The following MBD5 variants were observed in gnomAD, a reference collection of about 807,000 sequenced individuals.
The protein encoded by MBD5 is methyl-CpG binding domain protein 5, also known as methyl-CpG-binding domain protein 5.
MBD5 carries 13 observed loss-of-function variants against 117.3 expected under a neutral mutation model. The observed-to-expected ratio is 0.11, with a 90% CI of 0.07 to 0.18. MBD5 has a LOEUF of 0.18. Ranked by LOEUF, MBD5 falls within the 10% of genes least tolerant of loss-of-function variation. The pLI is 1.00. For synonymous variants in MBD5, 727 were observed against 766.4 expected (o/e 0.95, Z 0.85); for missense variants, 1,879 against 2,093.8 (o/e 0.90, Z 2.00).
intron 1 of MBD5, among the ~76,000 whole-genome samples, chr2:148,038,583 T>C (rs1264664718): frequency 6.6e-6 from 1 of 151,656 alleles, no homozygotes; most frequent in Admixed American, 6.6e-5. Context: ...GGACACATTT[T>C]TTTTTCCTGG....
At chr2:148,349,711 A>T (rs2105221760) in intron 4 of MBD5, among the ~76,000 whole-genome samples, 2 of 152,136 alleles carry the variant, frequency 1.3e-5, no homozygotes, top group Admixed American at 1.3e-4. Flanking sequence ...TGGCTAAAAG[A>T]ATATTTTTGG....
At chr2:148,376,358 C>T (rs1703987543) in intron 4 of MBD5, among the ~76,000 whole-genome samples, 1 of 149,902 alleles carries the variant, frequency 6.7e-6, no homozygotes, top group African/African-American at 2.5e-5. Flanking sequence ...AGTTCCGCCT[C>T]CTGGGTTCAC....
intron 4 of MBD5, among the ~76,000 whole-genome samples, chr2:148,446,501 A>G (rs1274584008): frequency 6.6e-6 from 1 of 152,046 alleles, no homozygotes. Flanking sequence ...TAGCTCTTCC[A>G]GGTTAAAAAC....
At chr2:148,236,336 A>C (rs1235698254) in intron 3 of MBD5, among the ~76,000 whole-genome samples, 1 of 152,190 alleles carries the variant, frequency 6.6e-6, no homozygotes. Context: ...TTTGTAAGGC[A>C]GATACAGCCT....
Position 148,166,235 on chromosome 2 carries a change from AT to A in MBD5, c.-924-12462del, listed in dbSNP as rs144959667. On this transcript the variant is annotated intron_variant, in intron 1 of 13. Transcript: ENST00000642680. The stretch of plus-strand genomic sequence containing the variant: ...CCATCTTTATTTACTCCTGTACATA[AT>A]TTATGTAATCCAGACATCTTTTTTT... Among the ~76,000 whole-genome samples the A allele has an allele frequency of 4.8e-3, 733 of 151,870 alleles. 8 individuals carry two copies. Among genetic ancestry groups the A allele is most frequent in the African/African-American group, 0.017 (710 of 41,168 alleles).
chr2:148,428,883 A>T (rs1381357553), intron 4 of MBD5, among the ~76,000 whole-genome samples: 1 of 152,228 alleles, frequency 6.6e-6, no homozygotes, highest in Non-Finnish European at 1.5e-5. Flanking sequence ...ACCTAAAACC[A>T]TAAAAACGCT....
At chr2:148,416,256 A>G (rs922397027) in intron 4 of MBD5, among the ~76,000 whole-genome samples, 4 of 152,190 alleles carry the variant, frequency 2.6e-5, no homozygotes, top group East Asian at 3.8e-4. Flanking sequence ...CATGGGCTGC[A>G]TGCTGTAACT....
intron 1 of MBD5, among the ~76,000 whole-genome samples, chr2:148,095,993 A>G (rs960447225): frequency 3.3e-5 from 5 of 152,190 alleles, no homozygotes; most frequent in African/African-American, 1.2e-4. Flanking sequence ...TTCTAAGGAC[A>G]AATCAGTTGT....
At chr2:148,321,577 A>G (rs535647447) in intron 3 of MBD5, among the ~76,000 whole-genome samples, 38 of 152,286 alleles carry the variant, frequency 2.5e-4, no homozygotes, top group Non-Finnish European at 4.1e-4. Context: ...CATCTAGACT[A>G]ACCTTCAAGA....
At chr2:148,379,115 G>A (rs1274425978) in intron 4 of MBD5, among the ~76,000 whole-genome samples, 3 of 151,966 alleles carry the variant, frequency 2.0e-5, no homozygotes, top group Non-Finnish European at 4.4e-5. Flanking sequence ...CATGGCTAAT[G>A]ATTTTCCAAA....
intron 1 of MBD5, among the ~76,000 whole-genome samples, chr2:148,134,155 A>T (rs1338794075): frequency 6.6e-6 from 1 of 152,150 alleles, no homozygotes. Context: ...ACTGCTAATC[A>T]TGCCCAGCTC....
At chr2:148,381,946 C>G (rs1036551282) in intron 4 of MBD5, among the ~76,000 whole-genome samples, 17 of 152,130 alleles carry the variant, frequency 1.1e-4, no homozygotes, top group Non-Finnish European at 1.6e-4. Context: ...CCTAAAAGAG[C>G]TCCTGAAGGA....
chr2:148,292,635 C>T lies in MBD5; in HGVS notation c.-679-49579C>T, dbSNP rs575120068. On this transcript the variant is annotated intron_variant, in intron 3 of 13. Transcript: ENST00000642680. ...ATGTTGGTGGGAGTGCAAGTTAGTA[C>T]AGCCACTATGGACAACAGTCTGGAG... 5.3e-5 allele frequency among the ~76,000 whole-genome samples: 8 copies of T among 152,268 alleles called. No homozygotes were observed. The East Asian group carries it at 1.2e-3, about 22-fold the overall frequency.
intron 4 of MBD5, among the ~76,000 whole-genome samples, chr2:148,409,606 A>G (rs1433604832): frequency 6.6e-6 from 1 of 152,146 alleles, no homozygotes. Flanking sequence ...ACACCTAGAC[A>G]TATATATAAG....
intron 4 of MBD5, among the ~76,000 whole-genome samples, chr2:148,358,590 G>A (rs996779611): frequency 2.8e-5 from 4 of 144,044 alleles, no homozygotes; most frequent in Non-Finnish European, 4.5e-5. Flanking sequence ...ACCAGCCTGG[G>A]CAACAGGTGA....
chr2:148,155,161 A>G (rs1441796012), intron 1 of MBD5, among the ~76,000 whole-genome samples: 2 of 152,240 alleles, frequency 1.3e-5, no homozygotes, highest in South Asian at 2.1e-4. Context: ...AAGGAGAGCC[A>G]AGATGAGGAT....
Position 148,021,442 on chromosome 2 carries a change from A to G in MBD5, c.-1167A>G. 1.8e-6 allele frequency: 1 copy of G among 563,912 alleles called. No homozygotes were observed. The highest frequency in any genetic ancestry group is 3.4e-6 in the Non-Finnish European group (1 of 292,540). 34.9% of individuals were successfully genotyped at this position (563,912 alleles called of 1,614,324 possible). On this transcript the variant is annotated 5_prime_UTR_variant, in exon 1 of 14. Transcript: ENST00000642680. Reference sequence around the variant, plus strand: ...AAGAAACCAAAAGCCTCTTAGCAACACAGACCCTTTGCTGCTGCTGTTGCT... The same window carrying G: ...AAGAAACCAAAAGCCTCTTAGCAACGCAGACCCTTTGCTGCTGCTGTTGCT...
At position 148,319,107 on chromosome 2, in the gene MBD5, C is replaced by G. The variant is rs142031015; in HGVS notation, c.-679-23107C>G. ...GGGTTCTCTATTCTGATCCATTAAT[C>G]TTTGTATCTATTTTTATACCAGTAC... On this transcript the variant is annotated intron_variant, in intron 3 of 13. Coordinates refer to ENST00000642680, the MANE Select transcript of MBD5 (RefSeq NM_001378120.1). 2.2e-3 allele frequency among the ~76,000 whole-genome samples: 337 copies of G among 152,256 alleles called. 3 individuals carry two copies. The highest frequency in any genetic ancestry group is 9.6e-3 in the Admixed American group (147 of 15,280).
chr2:148,136,635 G>C (rs1214355147), intron 1 of MBD5, among the ~76,000 whole-genome samples: 2 of 152,194 alleles, frequency 1.3e-5, no homozygotes, highest in African/African-American at 4.8e-5. Context: ...GGTCAATAAA[G>C]TTACTTGGCT....
Sources: gnomAD v4.1 joint callset for allele counts (sites outside exome capture counted in the v4.1 genomes callset) on GRCh38, gnomAD v4.1.1 for gene constraint, MANE v1.5 for transcripts, NCBI Gene and HGNC (gene_info 2026-07-23, HGNC 2026-07-21) for gene names.